NCAPD2: variants seen among roughly 807,000 people sequenced by gnomAD.
NCAPD2 encodes non-SMC condensin I complex subunit D2.
In NCAPD2, 100 loss-of-function variants were observed where a neutral mutation model predicts 164.5. The ratio of observed to expected loss-of-function variants is 0.61; its 90% CI spans 0.52 to 0.72. The LOEUF is 0.72. Ranked by LOEUF, NCAPD2 falls within the 30% of genes least tolerant of loss-of-function variation. The pLI is 0.00. For missense variants in NCAPD2, 1,560 were observed against 1,749.2 expected (o/e 0.89, Z 1.93); for synonymous variants, 585 against 642.6 (o/e 0.91, Z 1.36).
chr12:6,529,852 T>C lies in NCAPD2; in HGVS notation c.3731T>C (p.Leu1244Pro), dbSNP rs1300746470. 2 of 1,614,166 alleles carry C rather than the reference T, an allele frequency of 1.2e-6. No homozygotes were observed. Among genetic ancestry groups the C allele is most frequent in the Non-Finnish European group, 1.7e-6 (2 of 1,180,056 alleles). Reference sequence around the variant, plus strand: ...ACAGAGCGAGGCCTCCGTAAGATGCTTGACAATTTTGACTGTTTTGGAGAC... The same window carrying C: ...ACAGAGCGAGGCCTCCGTAAGATGCCTGACAATTTTGACTGTTTTGGAGAC... ...PLTERGLRKM[L>P]DNFDCFGDKL... is the part of the protein sequence containing the mutation. The change falls in exon 29 of 32, where the codon CTT becomes CCT. Residue 1244 changes from leucine (L) to proline (P), a missense_variant. Physicochemically the swap from Leu to Pro is moderately conservative, Grantham distance 98. Coordinates refer to ENST00000315579, the MANE Select transcript of NCAPD2 (RefSeq NM_014865.4).
intron 2 of NCAPD2, among the ~76,000 whole-genome samples, chr12:6,501,227 ATTTTTTTTTTTTTT>A (rs71067121): frequency 1.2e-4 from 8 of 69,174 alleles, no homozygotes; most frequent in Admixed American, 2.1e-4. Context: ...CGCCTGGCTA[ATTTTTTTTTTTTTT>A]TTTTTTTTTT....
chr12:6,499,106 C>T (rs1315672521), intron 2 of NCAPD2, among the ~76,000 whole-genome samples: 1 of 152,112 alleles, frequency 6.6e-6, no homozygotes, highest in Non-Finnish European at 1.5e-5. Flanking sequence ...GGATGGTTCA[C>T]ATCCCAGGCA....
chr12:6,512,086 G>A (rs983590175), intron 6 of NCAPD2, among the ~76,000 whole-genome samples: 6 of 151,616 alleles, frequency 4.0e-5, no homozygotes, highest in African/African-American at 1.5e-4. Context: ...TCGAGACCAC[G>A]GTGAAACCCC....
At chr12:6,505,665 C>T (rs1405440221) in intron 2 of NCAPD2, among the ~76,000 whole-genome samples, 2 of 152,020 alleles carry the variant, frequency 1.3e-5, no homozygotes. Context: ...ACGGTAAAAC[C>T]CTGTCTCTAC....
chr12:6,504,485 T>C (rs1324020610), intron 2 of NCAPD2, among the ~76,000 whole-genome samples: 2 of 151,818 alleles, frequency 1.3e-5, no homozygotes, highest in African/African-American at 4.8e-5. Context: ...CTCCACCTGC[T>C]GGGTTCAAGT....
In NCAPD2 at chr12:6,531,434, T is replaced by G; in HGVS notation, c.*22T>G. ...CTAGGAAGTCTGTTCCTGTCCTCCC[T>G]GTGCAGGGTATCCTGTAGGGTGACC... On this transcript the variant is annotated 3_prime_UTR_variant, in exon 32 of 32. Transcript: ENST00000315579. This position sits in a 1 kb window ranked among gnomAD's most constrained non-coding sequence, Gnocchi z 4.1. The G allele has an allele frequency of 1.9e-6, 3 of 1,612,358 alleles. No individual in the cohort carries two copies. The South Asian group carries it at 3.3e-5, about 18-fold the overall frequency.
chr12:6,513,715 C>CTTTTT lies in NCAPD2; in HGVS notation c.588-536_588-532dup, dbSNP rs71067124. Among the ~76,000 whole-genome samples, 20 of 74,880 alleles carry CTTTTT rather than the reference C, an allele frequency of 2.7e-4. 5 individuals carry two copies. Among genetic ancestry groups the CTTTTT allele is most frequent in the East Asian group, 5.6e-4 (2 of 3,560 alleles). The allele number at this position is 74,880 out of a possible 152,430, so 49.1% of individuals were successfully genotyped here. A position where few individuals can be genotyped will look rare whatever the true frequency, so the allele number is the denominator to read the frequency against. Reference sequence around the variant, plus strand: ...AATGAGAAGTCATTGGTGACTTTGTCTTTTTTTTTTTTTTTTTTGTGATGG... The same window carrying CTTTTT: ...AATGAGAAGTCATTGGTGACTTTGTCTTTTTTTTTTTTTTTTTTTTTTTGTGATGG... On this transcript the variant is annotated intron_variant, in intron 6 of 31. Coordinates refer to ENST00000315579, the MANE Select transcript of NCAPD2 (RefSeq NM_014865.4).
At chr12:6,512,272 CAAAAAAAAAAAAA>C (rs35978725) in intron 6 of NCAPD2, among the ~76,000 whole-genome samples, 4 of 87,352 alleles carry the variant, frequency 4.6e-5, no homozygotes, top group South Asian at 7.9e-4. Flanking sequence ...ACTCCATCTC[CAAAAAAAAAAAAA>C]AAAAAAAAGA....
intron 9 of NCAPD2, 53 bp downstream of exon 9, chr12:6,514,973 T>C (rs9788151): frequency 0.29 from 459,216 of 1,596,384 alleles, 68,286 homozygotes; most frequent in African/African-American, 0.44. Context: ...TTAAGTCCAG[T>C]GTTGAAAGGC....
chr12:6,510,228 T>C, intron 4 of NCAPD2, 95 bp downstream of exon 4: 1 of 1,305,258 alleles, frequency 7.7e-7, no homozygotes, highest in Non-Finnish European at 1.1e-6. Flanking sequence ...GTCAGCCACA[T>C]GATGATATCA....
Position 6,511,188 on chromosome 12 carries a change from C to T in NCAPD2, c.523C>T (p.Gln175Ter), listed in dbSNP as rs748640904. ...GCAACCAATTCTTCAGCTTTTAACA[C>T]AGCTACTTCAGTTGGACATCCGTCA... ...ERQPILQLLT[Q>*]LLQLDIRHLW... The change falls in exon 6 of 32, where the codon CAG becomes TAG. Residue 175 changes from glutamine to a stop codon, truncating the protein, a stop_gained. Transcript: ENST00000315579. LOFTEE classifies it high-confidence loss of function. The T allele has an allele frequency of 8.7e-6, 14 of 1,614,098 alleles. No individual in the cohort carries two copies. The highest frequency in any genetic ancestry group is 1.3e-5 in the African/African-American group (1 of 74,926).
In NCAPD2 at chr12:6,514,245, T is replaced by G; in HGVS notation, c.588-20T>G. On this transcript the variant is annotated intron_variant, in intron 6 of 31. Transcript: ENST00000315579. ...GATTCAGACAGCTGCTTTCATCATC[T>G]CAAACTCTTCCTTTCTCAGTTTGGT... is the stretch of plus-strand genomic sequence containing the variant. The G allele has an allele frequency of 6.2e-7, 1 of 1,614,060 alleles. No homozygotes were observed. The highest frequency in any genetic ancestry group is 1.1e-5 in the South Asian group (1 of 91,080).
intron 2 of NCAPD2, among the ~76,000 whole-genome samples, chr12:6,503,720 G>A (rs1047464105): frequency 7.9e-5 from 12 of 151,334 alleles, no homozygotes; most frequent in Admixed American, 2.0e-4. Context: ...GTAGTGAGCC[G>A]AGATCGTGCC....
At position 6,531,541 on chromosome 12, in the gene NCAPD2, C is replaced by T; in HGVS notation, c.*129C>T. The T allele has an allele frequency of 6.6e-7, 1 of 1,514,678 alleles. No homozygotes were observed. Among genetic ancestry groups the T allele is most frequent in the Non-Finnish European group, 8.8e-7 (1 of 1,134,572 alleles). 93.8% of individuals were successfully genotyped at this position (1,514,678 alleles called of 1,614,324 possible). ...AAAAAAAAGGCCGGGCACTGTGGCT[C>T]ACGCCTGTAATCCCAGCACTTTGCG... On this transcript the variant is annotated 3_prime_UTR_variant, in exon 32 of 32. Transcript: ENST00000315579. The surrounding 1 kb of genome is among the most constrained non-coding windows in gnomAD (Gnocchi z 4.1).
chr12:6,499,037 A>G (rs1434887493), intron 2 of NCAPD2, among the ~76,000 whole-genome samples: 10 of 152,096 alleles, frequency 6.6e-5, no homozygotes, highest in Non-Finnish European at 1.5e-5. Context: ...TCTGATAACC[A>G]AGGTGGCTAC....
intron 13 of NCAPD2, 59 bp from the exon 14 acceptor site, chr12:6,520,927 C>A (rs1263922721): frequency 3.0e-5 from 48 of 1,608,104 alleles, no homozygotes; most frequent in Non-Finnish European, 3.4e-6. Flanking sequence ...GAGGTAAGCT[C>A]CCTTACAAAC....
chr12:6,495,439 G>T (rs889530609), intron 2 of NCAPD2, among the ~76,000 whole-genome samples: 2 of 152,188 alleles, frequency 1.3e-5, no homozygotes, highest in Admixed American at 6.5e-5. Context: ...GTCAAAAACA[G>T]TCTTGGTGTA....
rs369699402 is a variant in NCAPD2, at chr12:6,521,966, A to G, written c.1883A>G (p.Tyr628Cys). ...CTGGTACAGTATCTGCAGGATGCCT[A>G]CAGCTTCTCCCGGAAGATTACAGAG... ...EMLVQYLQDA[Y>C]SFSRKITEAI... Residue 628 changes from tyrosine to cysteine, a missense_variant, in exon 15 of 32, where the codon TAC (tyrosine) becomes TGC (cysteine). Physicochemically the swap from Tyr to Cys is radical, Grantham distance 194 (BLOSUM62 -2). Transcript: ENST00000315579. 7 of 1,614,198 alleles carry G rather than the reference A, an allele frequency of 4.3e-6. No homozygotes were observed. The highest frequency in any genetic ancestry group is 1.1e-5 in the South Asian group (1 of 91,082).
chr12:6,494,551 T>A (rs1945957871), intron 1 of NCAPD2, among the ~76,000 whole-genome samples: 1 of 152,240 alleles, frequency 6.6e-6, no homozygotes, highest in African/African-American at 2.4e-5. Context: ...TTAATGCTCT[T>A]ACCATTCTGG....
Sources: gnomAD v4.1 joint callset for allele counts (sites outside exome capture counted in the v4.1 genomes callset) on GRCh38, gnomAD v4.1.1 for gene constraint, Gnocchi (gnomAD v3.1) non-coding constraint, MANE v1.5 for transcripts, NCBI Gene and HGNC (gene_info 2026-07-23, HGNC 2026-07-21) for gene names.